The following MYL3 variants were observed in gnomAD, a reference collection of about 807,000 sequenced individuals.
MYL3 encodes the protein CMLC1.
A neutral mutation model predicts 21.3 loss-of-function variants in MYL3; 11 were observed. The observed-to-expected ratio is 0.52, with a 90% CI of 0.32 to 0.85. The LOEUF (loss-of-function observed/expected upper bound fraction) is 0.85, where lower values mean the gene tolerates loss of function less well. MYL3 is among the 40% of genes least tolerant of loss of function. MYL3 has a pLI of 0.03. For missense variants in MYL3, 206 were observed against 253.3 expected (o/e 0.81, Z 1.27); for synonymous variants, 88 against 91.6 (o/e 0.96, Z 0.22).
upstream of MYL3, among the ~76,000 whole-genome samples, chr3:46,866,855 C>T (rs762234126): frequency 6.6e-6 from 1 of 152,168 alleles, no homozygotes; most frequent in Non-Finnish European, 1.5e-5. Flanking sequence ...TTCAGGCGTG[C>T]TCTTCACAGA....
At chr3:46,858,145 G>A in intron 6 of MYL3, 44 bp from the exon 7 acceptor site, 1 of 1,452,918 alleles carries the variant, frequency 6.9e-7, no homozygotes, top group Non-Finnish European at 9.7e-7. Flanking sequence ...GAGGGAGACG[G>A]AGGCAGCAGG....
chr3:46,878,132 A>G (rs1575503232), intron 1 of MYL3, among the ~76,000 whole-genome samples: 1 of 151,868 alleles, frequency 6.6e-6, no homozygotes, highest in Non-Finnish European at 1.5e-5. Context: ...CCCTCCCTTC[A>G]CCTTCCTGAG....
At chr3:46,876,046 G>C (rs1332289328) in intron 1 of MYL3, among the ~76,000 whole-genome samples, 1 of 152,268 alleles carries the variant, frequency 6.6e-6, no homozygotes, top group East Asian at 1.9e-4. Flanking sequence ...GGCTCGAGGA[G>C]AGAAAGGCCT....
chr3:46,864,801 T>G (rs570461842), upstream of MYL3, among the ~76,000 whole-genome samples: 284 of 152,278 alleles, frequency 1.9e-3, 2 homozygotes, highest in African/African-American at 6.2e-3. This position sits in a 1 kb window ranked among gnomAD's most constrained non-coding sequence, Gnocchi z 4.7. Context: ...AGCCCAGCCT[T>G]CAGCAGATGA....
In MYL3 at chr3:46,874,001, T is replaced by C. The variant is rs2030052688; in HGVS notation, c.-217-7401A>G. On this transcript the variant is annotated intron_variant, in intron 1 of 3. Transcript: ENST00000431168. This position sits in a 1 kb window ranked among gnomAD's most constrained non-coding sequence, Gnocchi z 4.1. Reference sequence around the variant, plus strand: ...CTCCTCCACACTGGCGACCCACCTGTGCCCAGTGAGAGCCCTTCGGCCTCT... The same window carrying C: ...CTCCTCCACACTGGCGACCCACCTGCGCCCAGTGAGAGCCCTTCGGCCTCT... Among the ~76,000 whole-genome samples, 1 of 152,198 alleles carries C rather than the reference T, an allele frequency of 6.6e-6. No individual in the cohort carries two copies. The highest frequency in any genetic ancestry group is 6.5e-5 in the Admixed American group (1 of 15,284).
At chr3:46,873,168 G>A (rs1036752569) in intron 1 of MYL3, among the ~76,000 whole-genome samples, 2 of 152,242 alleles carry the variant, frequency 1.3e-5, no homozygotes, top group African/African-American at 4.8e-5. Flanking sequence ...TGCAGATCCA[G>A]GAAGGCTTCA....
At chr3:46,869,128 A>T (rs2385860) in intron 1 of MYL3, among the ~76,000 whole-genome samples, 1 of 151,844 alleles carries the variant, frequency 6.6e-6, no homozygotes, top group African/African-American at 2.4e-5. Context: ...CCCTCCCCCC[A>T]CAGCATGGCC....
chr3:46,871,819 T>C (rs1228794106), intron 1 of MYL3, among the ~76,000 whole-genome samples: 1 of 152,214 alleles, frequency 6.6e-6, no homozygotes, highest in Non-Finnish European at 1.5e-5. Flanking sequence ...CTGAGGTAAA[T>C]ACCTCTGTGC....
intron 1 of MYL3, among the ~76,000 whole-genome samples, chr3:46,878,282 C>A (rs188397077): frequency 6.6e-6 from 1 of 152,224 alleles, no homozygotes; most frequent in Non-Finnish European, 1.5e-5. Context: ...AGTGGCACCT[C>A]GCTTCACTTA....
chr3:46,875,028 C>T (rs2030135490), intron 1 of MYL3, among the ~76,000 whole-genome samples: 1 of 152,170 alleles, frequency 6.6e-6, no homozygotes, highest in South Asian at 2.1e-4. Flanking sequence ...TCCACTCTAA[C>T]CCGTCTGTGG....
chr3:46,875,495 GGACAT>G (rs1259591412), intron 1 of MYL3, among the ~76,000 whole-genome samples: 1 of 152,250 alleles, frequency 6.6e-6, no homozygotes, highest in East Asian at 1.9e-4. Flanking sequence ...TGCAATTTGA[GGACAT>G]GCCCTCAGGA....
At position 46,861,031 on chromosome 3, in the gene MYL3, G is replaced by A. The variant is rs372306725; in HGVS notation, c.130-44C>T. ...GACTCAGATGCCCGGCTTAAAAGGT[G>A]GGGCCACACCTCCTCCTGGGCACTC... On this transcript the variant is annotated intron_variant, in intron 1 of 6. Coordinates refer to ENST00000292327, the MANE Select transcript of MYL3 (RefSeq NM_000258.3). This position sits in a 1 kb window ranked among gnomAD's most constrained non-coding sequence, Gnocchi z 4.2. The A allele has an allele frequency of 5.2e-5, 84 of 1,611,844 alleles. No individual in the cohort carries two copies. The highest frequency in any genetic ancestry group is 8.0e-5 in the African/African-American group (6 of 74,832).
At position 46,882,084 on chromosome 3, in the gene MYL3, C is replaced by T. The variant is rs2030612922; in HGVS notation, c.-228G>A. ...CTCCCCAGCACTCACATCCCGCCGC[C>T]GTAAGACTCCGGGCCTCGGCCTCTA... On this transcript the variant is annotated 5_prime_UTR_variant, in exon 1 of 4. Transcript: ENST00000431168. The surrounding 1 kb of genome is among the most constrained non-coding windows in gnomAD (Gnocchi z 4.3). 1 of 152,154 alleles carries T rather than the reference C, an allele frequency of 6.6e-6. No homozygotes were observed. The highest frequency in any genetic ancestry group is 2.1e-4 in the South Asian group (1 of 4,834). The allele number at this position is 152,154 out of a possible 1,614,324, so 9.4% of individuals were successfully genotyped here.
rs1470639885 is a variant in MYL3, at chr3:46,861,139, A to G, written c.130-152T>C. 1.9e-5 allele frequency: 17 copies of G among 890,818 alleles called. No homozygotes were observed. In the Admixed American group the frequency reaches 3.1e-4, roughly 16 times the overall value. The allele number at this position is 890,818 out of a possible 1,614,324, so 55.2% of individuals were successfully genotyped here. A position where few individuals can be genotyped will look rare whatever the true frequency, so the allele number is the denominator to read the frequency against. ...GCACCCCCAGGACCTCCTGCAGTCCATCTTGACGCCCTCCTGCCTCCTTGC... is the reference window on the plus strand; with the variant it reads ...GCACCCCCAGGACCTCCTGCAGTCCGTCTTGACGCCCTCCTGCCTCCTTGC... On this transcript the variant is annotated intron_variant, in intron 1 of 6. Transcript: ENST00000292327. This position sits in a 1 kb window ranked among gnomAD's most constrained non-coding sequence, Gnocchi z 4.2.
rs1701988941 is a variant in MYL3, at chr3:46,861,195, G to A, written c.130-208C>T. On this transcript the variant is annotated intron_variant, in intron 1 of 6. Coordinates refer to ENST00000292327, the MANE Select transcript of MYL3 (RefSeq NM_000258.3). The surrounding 1 kb of genome is among the most constrained non-coding windows in gnomAD (Gnocchi z 4.2). ...TCCACCTCTCCAGCCAGAAGGCCTT[G>A]AGGCTGTGTGCACCGAGGCCCTGAT... Among the ~76,000 whole-genome samples the A allele has an allele frequency of 6.6e-6, 1 of 152,136 alleles. No homozygotes were observed. The highest frequency in any genetic ancestry group is 2.4e-5 in the African/African-American group (1 of 41,414).
Position 46,868,908 on chromosome 3 carries a change from C to T in MYL3, c.-217-2308G>A, listed in dbSNP as rs73833660. Among the ~76,000 whole-genome samples, 167 of 152,310 alleles carry T rather than the reference C, an allele frequency of 1.1e-3. 2 individuals carry two copies. The highest frequency in any genetic ancestry group is 3.7e-3 in the African/African-American group (154 of 41,576). ...ATTCTGGGTGCATGAGATGGAGTCT[C>T]GGGCTGCCAAGGGTTTGTGGGAGCT... On this transcript the variant is annotated intron_variant, in intron 1 of 3. Transcript: ENST00000431168.
At position 46,860,772 on chromosome 3, in the gene MYL3, T is replaced by A. The variant is rs1381077316; in HGVS notation, c.211A>T (p.Ile71Phe). Residue 71 changes from isoleucine to phenylalanine, a missense_variant, in exon 3 of 7, where the codon ATC becomes TTC. Transcript: ENST00000292327. This position sits in a 1 kb window ranked among gnomAD's most constrained non-coding sequence, Gnocchi z 4.6. ...ACATCCCCACACTGCCCGTAGGTGA[T>A]CTTCATCTCACACTTGGGTGTGCGG... is the stretch of plus-strand genomic sequence containing the variant. ...FDRTPKCEMK[I>F]TYGQCGDVLR... 1.2e-6 allele frequency: 2 copies of A among 1,614,016 alleles called. No homozygotes were observed. The highest frequency in any genetic ancestry group is 1.7e-6 in the Non-Finnish European group (2 of 1,180,032).
intron 1 of MYL3, among the ~76,000 whole-genome samples, chr3:46,862,029 T>C (rs868453314): frequency 2.0e-4 from 30 of 152,316 alleles, no homozygotes; most frequent in Middle Eastern, 3.4e-3. Context: ...CTACTGAGAT[T>C]AGGGTCTCTG....
Position 46,859,346 on chromosome 3 carries a change from C to T in MYL3, c.481+129G>A. The stretch of plus-strand genomic sequence containing the variant: ...TCCTAAGTAACATTTCTGTTGTCTG[C>T]CATTGAGGCTCCCTAATTATGTAAC... On this transcript the variant is annotated intron_variant, in intron 4 of 6. Transcript: ENST00000292327. The surrounding 1 kb of genome is among the most constrained non-coding windows in gnomAD (Gnocchi z 4.1). 4 of 1,194,676 alleles carry T rather than the reference C, an allele frequency of 3.3e-6. 1 individual carries two copies. Among genetic ancestry groups the T allele is most frequent in the South Asian group, 2.6e-5 (2 of 75,682 alleles). The allele number at this position is 1,194,676 out of a possible 1,614,324, so 74.0% of individuals were successfully genotyped here.
Sources: gnomAD v4.1 joint callset for allele counts (sites outside exome capture counted in the v4.1 genomes callset) on GRCh38, gnomAD v4.1.1 for gene constraint, Gnocchi (gnomAD v3.1) non-coding constraint, MANE v1.5 for transcripts, NCBI Gene and HGNC (gene_info 2026-07-23, HGNC 2026-07-21) for gene names.